The following EIF4ENIF1 variants were observed in gnomAD, a reference collection of about 807,000 sequenced individuals.
The protein encoded by EIF4ENIF1 is eukaryotic translation initiation factor 4E transporter.
In EIF4ENIF1, 23 loss-of-function variants were observed where a neutral mutation model predicts 110.5. The ratio of observed to expected loss-of-function variants is 0.21; its 90% CI spans 0.15 to 0.29. EIF4ENIF1 has a LOEUF of 0.29. Among genes scored for constraint, EIF4ENIF1 ranks in the 10% least tolerant of loss-of-function variants. The pLI is 1.00. For missense variants in EIF4ENIF1, 1,031 were observed against 1,221.1 expected (o/e 0.84, Z 2.32); for synonymous variants, 440 against 437.0 (o/e 1.01, Z -0.09).
Position 31,458,533 on chromosome 22 carries a change from G to T in EIF4ENIF1, c.905C>A (p.Pro302Gln), listed in dbSNP as rs1601595450. 13 of 1,613,292 alleles carry T rather than the reference G, an allele frequency of 8.1e-6. No individual in the cohort carries two copies. The East Asian group carries it at 2.9e-4, about 36-fold the overall frequency. The change falls in exon 7 of 19, where the codon CCA (proline) becomes CAA (glutamine). Residue 302 changes from proline to glutamine, a missense_variant. Around this residue, in one of 3 missense-constraint regions of EIF4ENIF1, gnomAD observed 704 missense variants for 879.7 expected, o/e 0.80. Transcript: ENST00000330125. ...PRDAVLPEQS[P>Q]GDFDFNEFFN... ...GAACTCATTAAAGTCAAAGTCTCCT[G>T]GGGACTGCTCAGGCAAGACAGCATC...
intron 7 of EIF4ENIF1, among the ~76,000 whole-genome samples, chr22:31,458,188 A>G (rs993434578): frequency 3.3e-5 from 5 of 151,694 alleles, no homozygotes; most frequent in Non-Finnish European, 5.9e-5. Flanking sequence ...AGATCGTGCC[A>G]CTGCACTTCA....
chr22:31,482,722 C>T (rs1241216309), intron 2 of EIF4ENIF1, among the ~76,000 whole-genome samples: 1 of 149,952 alleles, frequency 6.7e-6, no homozygotes, highest in Non-Finnish European at 1.5e-5. Flanking sequence ...ATTCACTTGA[C>T]GAAAATAACA....
In EIF4ENIF1 at chr22:31,439,675, A is replaced by G. The variant is rs2050231914; in HGVS notation, c.*205T>C. On this transcript the variant is annotated 3_prime_UTR_variant, in exon 19 of 19. Coordinates refer to ENST00000330125, the MANE Select transcript of EIF4ENIF1 (RefSeq NM_019843.4). ...ATTTCCAGGATTGACAACATTGTGC[A>G]TCCTGTATTCAGACAATGTACACTC... 1.5e-6 allele frequency: 1 copy of G among 653,662 alleles called. No individual in the cohort carries two copies. The highest frequency in any genetic ancestry group is 3.4e-5 in the Admixed American group (1 of 29,520). 40.5% of individuals were successfully genotyped at this position (653,662 alleles called of 1,614,324 possible).
chr22:31,487,404 A>G (rs1168144695), intron 2 of EIF4ENIF1, among the ~76,000 whole-genome samples: 2 of 152,200 alleles, frequency 1.3e-5, no homozygotes, highest in African/African-American at 4.8e-5. Flanking sequence ...TACTTTATCA[A>G]GTAGGTAAGA....
At chr22:31,458,738 A>C in intron 6 of EIF4ENIF1, 88 bp from the exon 7 acceptor site, 1 of 1,228,068 alleles carries the variant, frequency 8.1e-7, no homozygotes, top group Admixed American at 2.5e-5. Context: ...TACATGTAGA[A>C]GAGCCACACA....
At chr22:31,450,844 TAC>T (rs372740127) in intron 10 of EIF4ENIF1, 14,969 of 120,900 alleles carry the variant, frequency 0.12, 959 homozygotes, top group Non-Finnish European at 0.15. Flanking sequence ...ATATATATAC[TAC>T]ACACACACAC....
At position 31,449,425 on chromosome 22, in the gene EIF4ENIF1, G is replaced by C. The variant is rs765142448; in HGVS notation, c.1691C>G (p.Ser564Cys). ...TTSLLGQRAP[S>C]PPLSQVFQTR... is the part of the protein sequence containing the mutation. ...TTGAAACACCTGTGACAAGGGAGGA[G>C]AGGGTGCTCTTTGGCCCAGTAAAGA... The change falls in exon 12 of 19, where the codon TCT becomes TGT. Residue 564 changes from serine (S) to cysteine (C), a missense_variant. By Grantham distance (112) the Ser-to-Cys change is moderately radical. Coordinates refer to ENST00000330125, the MANE Select transcript of EIF4ENIF1 (RefSeq NM_019843.4). 1 of 1,614,186 alleles carries C rather than the reference G, an allele frequency of 6.2e-7. No homozygotes were observed. The highest frequency in any genetic ancestry group is 8.5e-7 in the Non-Finnish European group (1 of 1,180,034).
chr22:31,464,041 A>C, intron 4 of EIF4ENIF1, 74 bp from the exon 5 acceptor site: 1 of 1,512,156 alleles, frequency 6.6e-7, no homozygotes, highest in Non-Finnish European at 8.8e-7. Context: ...TAGTATGTCC[A>C]TGACTGATGG....
At chr22:31,479,831 C>A (rs565399034) in intron 2 of EIF4ENIF1, among the ~76,000 whole-genome samples, 1 of 151,750 alleles carries the variant, frequency 6.6e-6, no homozygotes, top group East Asian at 1.9e-4. Context: ...CTTGCCTCAG[C>A]CTCCCAAGCA....
At position 31,457,979 on chromosome 22, in the gene EIF4ENIF1, C is replaced by T. The variant is rs541077315; in HGVS notation, c.963+496G>A. 3.9e-5 allele frequency among the ~76,000 whole-genome samples: 6 copies of T among 152,124 alleles called. No homozygotes were observed. The South Asian group carries it at 1.2e-3, about 32-fold the overall frequency. ...GTGCGGTGGCTCACGCCTGTAATCC[C>T]AGCACTTTGGGAGACCAAGACAGGA... On this transcript the variant is annotated intron_variant, in intron 7 of 18. Transcript: ENST00000330125.
At position 31,455,129 on chromosome 22, in the gene EIF4ENIF1, CACTT is replaced by C; in HGVS notation, c.1279+3_1279+6del. On this transcript the variant is annotated splice_donor_5th_base_variant and intron_variant, in intron 9 of 18. Coordinates refer to ENST00000330125, the MANE Select transcript of EIF4ENIF1 (RefSeq NM_019843.4). ...GATATCTAAAACAGATATTCATAAA[CACTT>C]ACAGCTTTCTTTAAGTTTTTCTTTA... The C allele has an allele frequency of 1.2e-6, 2 of 1,606,100 alleles. No individual in the cohort carries two copies. The highest frequency in any genetic ancestry group is 1.7e-6 in the Non-Finnish European group (2 of 1,176,538).
intron 15 of EIF4ENIF1, among the ~76,000 whole-genome samples, chr22:31,443,578 G>T (rs899340674): frequency 6.6e-6 from 1 of 151,996 alleles, no homozygotes; most frequent in African/African-American, 2.4e-5. Flanking sequence ...TTCTACCTTG[G>T]TGATTTTATT....
rs377378858 is a variant in EIF4ENIF1 at position 31,468,247 on chromosome 22, G to A, written c.226C>T (p.Arg76Trp). 3.1e-6 allele frequency: 5 copies of A among 1,614,018 alleles called. No homozygotes were observed. The highest frequency in any genetic ancestry group is 2.7e-5 in the African/African-American group (2 of 74,916). The part of the protein sequence containing the change: ...WHASLYPASG[R>W]SSPVESLKKE... ...TTCAGACTTTCCACTGGTGAGCTCC[G>A]CCCTGAAGCTGGGTAGAGAGAGGCA... The change falls in exon 4 of 19, where the codon CGG (arginine) becomes TGG (tryptophan). Residue 76 changes from arginine (R) to tryptophan (W), a missense_variant. Arg to Trp is a moderately radical substitution (Grantham distance 101). Coordinates refer to ENST00000330125, the MANE Select transcript of EIF4ENIF1 (RefSeq NM_019843.4).
At chr22:31,470,655 A>G (rs1400258128) in intron 3 of EIF4ENIF1, among the ~76,000 whole-genome samples, 1 of 144,886 alleles carries the variant, frequency 6.9e-6, no homozygotes, top group South Asian at 2.2e-4. Flanking sequence ...AAAGCATCAT[A>G]TTAATGTTCA....
downstream of EIF4ENIF1, among the ~76,000 whole-genome samples, chr22:31,437,999 CCTG>C (rs1169445208): frequency 1.3e-5 from 2 of 152,148 alleles, no homozygotes; most frequent in Non-Finnish European, 2.9e-5. Flanking sequence ...TGAAAGGTGA[CCTG>C]CTTTCTTGTA....
Position 31,463,733 on chromosome 22 carries a change from C to T in EIF4ENIF1, c.533G>A (p.Arg178Gln), listed in dbSNP as rs768772601. Residue 178 changes from arginine to glutamine, a missense_variant, in exon 5 of 19, where the codon CGG (arginine) becomes CAG (glutamine). Arg to Gln is a conservative substitution (Grantham distance 43). Transcript: ENST00000330125. ...CTCTCGGTCTCTGTCTCTCAAGTCC[C>T]GCAGGTCCTTATCGCTAAGACGGTG... ...KDHRLSDKDL[R>Q]DLRDRDRERD... The T allele has an allele frequency of 1.1e-5, 17 of 1,613,810 alleles. No homozygotes were observed. Among genetic ancestry groups the T allele is most frequent in the African/African-American group, 2.7e-5 (2 of 74,790 alleles).
chr22:31,479,448 G>A (rs2051727030), intron 2 of EIF4ENIF1: 1 of 151,858 alleles, frequency 6.6e-6, no homozygotes, highest in Admixed American at 6.6e-5. Context: ...AATCTTCTCT[G>A]TATTGTTGCA....
chr22:31,445,894 T>C (rs972094221), intron 14 of EIF4ENIF1, among the ~76,000 whole-genome samples: 1 of 151,908 alleles, frequency 6.6e-6, no homozygotes, highest in Non-Finnish European at 1.5e-5. Flanking sequence ...CTTGCTAGTT[T>C]TGAGTAAGCC....
At chr22:31,442,395 C>T (rs2050329216) in intron 16 of EIF4ENIF1, among the ~76,000 whole-genome samples, 1 of 152,142 alleles carries the variant, frequency 6.6e-6, no homozygotes, top group African/African-American at 2.4e-5. Flanking sequence ...GGTCAAAGAA[C>T]CCAAACTGTC....
Sources: allele counts gnomAD v4.1 joint callset (sites outside exome capture counted in the v4.1 genomes callset), GRCh38; gene constraint gnomAD v4.1.1; regional missense constraint gnomAD v4.1.1; transcripts MANE v1.5; gene names NCBI Gene and HGNC (gene_info 2026-07-23, HGNC 2026-07-21).